The following CYP7B1 variants were observed in gnomAD, a reference collection of about 807,000 sequenced individuals.
The protein encoded by CYP7B1 is cytochrome P450 family 7 subfamily B member 1.
A neutral mutation model predicts 42.7 loss-of-function variants in CYP7B1; 29 were observed. The observed-to-expected ratio is 0.68, with a 90% CI of 0.51 to 0.93. The LOEUF (loss-of-function observed/expected upper bound fraction) is 0.93, where lower values mean the gene tolerates loss of function less well. Ranked by LOEUF, CYP7B1 falls within the 40% of genes least tolerant of loss-of-function variation. The pLI is 0.00. For synonymous variants in CYP7B1, 235 were observed against 218.2 expected (o/e 1.08, Z -0.68); for missense variants, 655 against 600.5 (o/e 1.09, Z -0.95).
At chr8:64,721,115 C>A (rs1410601880) in intron 1 of CYP7B1, among the ~76,000 whole-genome samples, 1 of 151,028 alleles carries the variant, frequency 6.6e-6, no homozygotes, top group Non-Finnish European at 1.5e-5. Flanking sequence ...CCTATAAAGT[C>A]AATCTAAACT....
intron 1 of CYP7B1, among the ~76,000 whole-genome samples, chr8:64,792,749 T>C (rs896156932): frequency 2.6e-5 from 4 of 152,118 alleles, no homozygotes; most frequent in Non-Finnish European, 5.9e-5. Flanking sequence ...AATACGTGAT[T>C]GTGATGATTT....
intron 1 of CYP7B1, among the ~76,000 whole-genome samples, chr8:64,641,014 C>T (rs188932705): frequency 6.6e-6 from 1 of 152,282 alleles, no homozygotes; most frequent in African/African-American, 2.4e-5. Flanking sequence ...AGCAAAGAGG[C>T]TGCTTAGCTT....
At chr8:64,696,039 A>G (rs978932623) in intron 1 of CYP7B1, among the ~76,000 whole-genome samples, 2 of 152,184 alleles carry the variant, frequency 1.3e-5, no homozygotes, top group Non-Finnish European at 1.5e-5. Flanking sequence ...CATTCCTCTG[A>G]GTTTGTAATG....
At chr8:64,721,595 G>T (rs977759538) in intron 1 of CYP7B1, among the ~76,000 whole-genome samples, 1 of 152,120 alleles carries the variant, frequency 6.6e-6, no homozygotes, top group African/African-American at 2.4e-5. Flanking sequence ...CAGTATTAGC[G>T]ATAGGACTTT....
intron 1 of CYP7B1, among the ~76,000 whole-genome samples, chr8:64,695,288 C>T (rs1806807019): frequency 6.6e-6 from 1 of 152,138 alleles, no homozygotes; most frequent in Non-Finnish European, 1.5e-5. Flanking sequence ...GCCACAATTA[C>T]CCTCTCACCC....
chr8:64,694,195 A>C (rs1435523830), intron 1 of CYP7B1, among the ~76,000 whole-genome samples: 2 of 152,216 alleles, frequency 1.3e-5, no homozygotes, highest in African/African-American at 4.8e-5. Flanking sequence ...TCATAAGAAA[A>C]GAAATAATTT....
chr8:64,702,416 A>G (rs1384999713), intron 1 of CYP7B1, among the ~76,000 whole-genome samples: 1 of 152,094 alleles, frequency 6.6e-6, no homozygotes, highest in African/African-American at 2.4e-5. Flanking sequence ...GTCATTCATT[A>G]CTGAAAACCT....
At chr8:64,760,697 TAAC>T (rs1807876410) in intron 1 of CYP7B1, among the ~76,000 whole-genome samples, 1 of 151,928 alleles carries the variant, frequency 6.6e-6, no homozygotes, top group Non-Finnish European at 1.5e-5. Flanking sequence ...ATATAAGAAA[TAAC>T]AAGTATTGAT....
At position 64,765,754 on chromosome 8, in the gene CYP7B1, T is replaced by C. The variant is rs148036646; in HGVS notation, c.122+32712A>G. Among the ~76,000 whole-genome samples the C allele has an allele frequency of 7.0e-3, 1,070 of 152,250 alleles. 27 individuals carry two copies. The highest frequency in any genetic ancestry group is 0.044 in the Admixed American group (676 of 15,288). Reference sequence around the variant, plus strand: ...TAGGGGTGCTGGCATCCCTATGTTCTTTTTCCAGATGGGAAATGTTCCCCC... The same window carrying C: ...TAGGGGTGCTGGCATCCCTATGTTCCTTTTCCAGATGGGAAATGTTCCCCC... On this transcript the variant is annotated intron_variant, in intron 1 of 5. Transcript: ENST00000310193.
rs4543580 is a variant in CYP7B1 at position 64,615,534 on chromosome 8, T to A, written c.850+157A>T. 0.04 allele frequency among the ~76,000 whole-genome samples: 5,949 copies of A among 149,426 alleles called. 197 individuals are homozygous for A. Among genetic ancestry groups the A allele is most frequent in the South Asian group, 0.15 (723 of 4,736 alleles). ...ACCACCTCAGCAAAAAAAAAAAAAA[T>A]ATCAATTATAGAGGGTTATATCAGA... On this transcript the variant is annotated intron_variant, in intron 3 of 5. Coordinates refer to ENST00000310193, the MANE Select transcript of CYP7B1 (RefSeq NM_004820.5).
chr8:64,736,126 T>A (rs1807483507), intron 1 of CYP7B1, among the ~76,000 whole-genome samples: 1 of 152,172 alleles, frequency 6.6e-6, no homozygotes, highest in African/African-American at 2.4e-5. Flanking sequence ...TGTGTTTACA[T>A]CCCTATTATG....
chr8:64,792,412 C>T (rs1020074571), intron 1 of CYP7B1, among the ~76,000 whole-genome samples: 1 of 152,140 alleles, frequency 6.6e-6, no homozygotes, highest in Non-Finnish European at 1.5e-5. Flanking sequence ...TGCGAGGAAA[C>T]AGTGCTCTGC....
chr8:64,705,229 T>TC (rs1554533818), intron 1 of CYP7B1, among the ~76,000 whole-genome samples: 5 of 149,988 alleles, frequency 3.3e-5, no homozygotes, highest in African/African-American at 1.2e-4. Context: ...TTCAAAAAGG[T>TC]GGGGGGGGGA....
chr8:64,737,517 C>G (rs1027711634), intron 1 of CYP7B1, among the ~76,000 whole-genome samples: 4 of 152,156 alleles, frequency 2.6e-5, no homozygotes, highest in Non-Finnish European at 5.9e-5. Flanking sequence ...CCTGCTAGTT[C>G]CCTCATTAAA....
At chr8:64,586,932 GA>G (rs1804975678), downstream of CYP7B1, among the ~76,000 whole-genome samples, 1 of 152,206 alleles carries the variant, frequency 6.6e-6, no homozygotes, top group Non-Finnish European at 1.5e-5. Flanking sequence ...ACAGTAGGTG[GA>G]AGGAGGGAAA....
intron 1 of CYP7B1, among the ~76,000 whole-genome samples, chr8:64,731,327 C>T (rs1260136888): frequency 6.6e-6 from 1 of 152,034 alleles, no homozygotes; most frequent in Admixed American, 6.6e-5. Context: ...TTGTTGGGAA[C>T]TGTATGGAGG....
At chr8:64,740,667 GT>G (rs1468140191) in intron 1 of CYP7B1, among the ~76,000 whole-genome samples, 3 of 151,128 alleles carry the variant, frequency 2.0e-5, no homozygotes, top group African/African-American at 7.3e-5. Context: ...TGAAAGAGGG[GT>G]AATCACTATA....
chr8:64,745,657 A>C (rs549843240), intron 1 of CYP7B1, among the ~76,000 whole-genome samples: 1 of 152,158 alleles, frequency 6.6e-6, no homozygotes, highest in South Asian at 2.1e-4. Flanking sequence ...AGTAGGGTGC[A>C]GAGAGCCCTC....
intron 1 of CYP7B1, among the ~76,000 whole-genome samples, chr8:64,763,923 A>T (rs2129633783): frequency 6.6e-6 from 1 of 152,224 alleles, no homozygotes. Flanking sequence ...CTCTGAATCT[A>T]CTTCCTCCGA....
Sources: allele counts gnomAD v4.1 joint callset (sites outside exome capture counted in the v4.1 genomes callset), GRCh38; gene constraint gnomAD v4.1.1; transcripts MANE v1.5; gene names NCBI Gene and HGNC (gene_info 2026-07-23, HGNC 2026-07-21).